The following MYO7B variants were observed in gnomAD, a reference collection of about 807,000 sequenced individuals.
MYO7B encodes the protein myosin VIIB.
A neutral mutation model predicts 259.7 loss-of-function variants in MYO7B; 212 were observed. That is an observed-to-expected ratio of 0.82 (90% CI 0.73 to 0.91). MYO7B has a LOEUF of 0.91. Among genes scored for constraint, MYO7B ranks in the 40% least tolerant of loss-of-function variants. MYO7B has a pLI of 0.00. For missense variants in MYO7B, 2,732 were observed against 2,813.5 expected, an observed-to-expected ratio of 0.97 and a Z score of 0.66; for synonymous variants, 1,197 against 1,166.4, an observed-to-expected ratio of 1.03 and a Z score of -0.54.
At chr2:127,610,278 G>A (rs1034648981) in intron 24 of MYO7B, among the ~76,000 whole-genome samples, 3 of 152,150 alleles carry the variant, frequency 2.0e-5, no homozygotes, top group African/African-American at 7.2e-5. Flanking sequence ...TGAGTATTGG[G>A]TGTGACTTGA....
chr2:127,569,989 C>T (rs1396838955), intron 6 of MYO7B, 79 bp downstream of exon 6: 3 of 1,463,718 alleles, frequency 2.0e-6, no homozygotes, highest in Non-Finnish European at 2.7e-6. Context: ...TGGGGAGGGA[C>T]AGGATAGGCC....
intron 12 of MYO7B, 122 bp from the exon 13 acceptor site, chr2:127,584,000 A>T (rs1407906841): frequency 2.5e-6 from 2 of 815,062 alleles, no homozygotes; most frequent in African/African-American, 3.4e-5. Context: ...CGAGGTGTGC[A>T]TCTGTGGGCA....
At chr2:127,579,020 C>G (rs1678997745) in intron 9 of MYO7B, among the ~76,000 whole-genome samples, 1 of 151,124 alleles carries the variant, frequency 6.6e-6, no homozygotes, top group Non-Finnish European at 1.5e-5. Context: ...AAAAAATAAC[C>G]AAAAGGAAGA....
chr2:127,550,224 T>A (rs544564265), intron 1 of MYO7B, among the ~76,000 whole-genome samples: 1 of 152,210 alleles, frequency 6.6e-6, no homozygotes, highest in Admixed American at 6.5e-5. Flanking sequence ...GAAGGCATAC[T>A]GGGCAGACAA....
chr2:127,612,046 C>T (rs1288634047), intron 24 of MYO7B, among the ~76,000 whole-genome samples: 2 of 152,186 alleles, frequency 1.3e-5, no homozygotes, highest in Non-Finnish European at 2.9e-5. Context: ...TCTGATTCCA[C>T]ACCTGGAAGT....
At position 127,597,885 on chromosome 2, in the gene MYO7B, G is replaced by A. The variant is rs1183057887; in HGVS notation, c.2339+1329G>A. ...ACTCCTGGCCTCAAGTGATCCGCCC[G>A]CCTCAGCCTCTCAAAGTGCTGGGAT... On this transcript the variant is annotated intron_variant, in intron 19 of 47. Coordinates refer to ENST00000409816, the MANE Select transcript of MYO7B (RefSeq NM_001393586.1). The surrounding 1 kb of genome is among the most constrained non-coding windows in gnomAD (Gnocchi z 4.8). Among the ~76,000 whole-genome samples the A allele has an allele frequency of 2.0e-5, 3 of 151,940 alleles. No individual in the cohort carries two copies. Among genetic ancestry groups the A allele is most frequent in the African/African-American group, 4.8e-5 (2 of 41,354 alleles).
chr2:127,618,020 C>T (rs1266132824), intron 26 of MYO7B, among the ~76,000 whole-genome samples: 1 of 152,110 alleles, frequency 6.6e-6, no homozygotes, highest in Non-Finnish European at 1.5e-5. Flanking sequence ...TTAGTTCCCG[C>T]AAGTCCCTGT....
rs576810452 is a variant in MYO7B at position 127,585,613 on chromosome 2, T to C, written c.1690+700T>C. Among the ~76,000 whole-genome samples, 25 of 152,366 alleles carry C rather than the reference T, an allele frequency of 1.6e-4. 1 individual carries two copies. The Middle Eastern group carries it at 0.031, about 187-fold the overall frequency. On this transcript the variant is annotated intron_variant, in intron 14 of 47. Transcript: ENST00000409816. The surrounding 1 kb of genome is among the most constrained non-coding windows in gnomAD (Gnocchi z 4.3). The stretch of plus-strand genomic sequence containing the variant: ...TCTACCTAGCAGCAGAATTGCTGTG[T>C]CATATGATAACTCTATGTTTAACTG...
intron 6 of MYO7B, among the ~76,000 whole-genome samples, chr2:127,571,441 A>ATTTTTTTTTTTTTTTTTT (rs1678601958): frequency 1.1e-4 from 2 of 17,610 alleles, no homozygotes; most frequent in Non-Finnish European, 2.2e-4. Flanking sequence ...CTTACCAGTG[A>ATTTTTTTTTTTTTTTTTT]GTTTTTTTTT....
intron 26 of MYO7B, among the ~76,000 whole-genome samples, chr2:127,618,857 G>C (rs1268170952): frequency 2.6e-5 from 4 of 152,246 alleles, no homozygotes; most frequent in African/African-American, 9.6e-5. Context: ...GGGCTGGGAG[G>C]CCAGGCAGGG....
rs1253099239 is a variant in MYO7B at position 127,597,746 on chromosome 2, C to T, written c.2339+1190C>T. ...GCTTTCCGGGCTCAAGCTATCCTCC[C>T]ACCTCAGCCTCCAAAGTAGCTGGTA... On this transcript the variant is annotated intron_variant, in intron 19 of 47. Transcript: ENST00000409816. This position sits in a 1 kb window ranked among gnomAD's most constrained non-coding sequence, Gnocchi z 4.8. Among the ~76,000 whole-genome samples, 4 of 152,048 alleles carry T rather than the reference C, an allele frequency of 2.6e-5. No individual in the cohort carries two copies. The highest frequency in any genetic ancestry group is 4.4e-5 in the Non-Finnish European group (3 of 68,010).
intron 26 of MYO7B, among the ~76,000 whole-genome samples, chr2:127,618,140 CCT>C (rs1489933817): frequency 6.6e-6 from 1 of 152,138 alleles, no homozygotes; most frequent in Non-Finnish European, 1.5e-5. Flanking sequence ...CCTGATTGTC[CCT>C]GTTACGTCCC....
chr2:127,605,999 A>G (rs146938706), intron 20 of MYO7B, 71 bp downstream of exon 20: 1,614 of 1,312,842 alleles, frequency 1.2e-3, no homozygotes, highest in Non-Finnish European at 1.6e-3. Context: ...ACAGATTTGT[A>G]AAGTTTGTTT....
chr2:127,538,403 A>C (rs1692874130), intron 1 of MYO7B, among the ~76,000 whole-genome samples: 2 of 152,086 alleles, frequency 1.3e-5, no homozygotes, highest in Non-Finnish European at 2.9e-5. Flanking sequence ...TGAGGGTCTG[A>C]ATTTTTAATT....
intron 42 of MYO7B, chr2:127,634,887 T>A: frequency 1.5e-6 from 1 of 645,306 alleles, no homozygotes; most frequent in Non-Finnish European, 2.7e-6. Flanking sequence ...TGATGAAGGA[T>A]GCCCCAGGGC....
chr2:127,574,022 T>A lies in MYO7B; in HGVS notation c.695T>A (p.Ile232Asn). Residue 232 changes from isoleucine to asparagine, a missense_variant, in exon 7 of 48, where the codon ATC (isoleucine) becomes AAC (asparagine). Ile to Asn is a moderately radical substitution (Grantham distance 149, BLOSUM62 -3). Transcript: ENST00000409816. Reference protein sequence around the residue: ...NPSGVIEGARIEQFLLEKSRV... With the variant: ...NPSGVIEGARNEQFLLEKSRV... ...AGCGGGGTGATCGAGGGCGCGCGCATCGAGCAATTTCTCCTGGAGAAGTCC... is the reference window on the plus strand; with the variant it reads ...AGCGGGGTGATCGAGGGCGCGCGCAACGAGCAATTTCTCCTGGAGAAGTCC... 6.2e-7 allele frequency: 1 copy of A among 1,614,036 alleles called. No homozygotes were observed. The highest frequency in any genetic ancestry group is 8.5e-7 in the Non-Finnish European group (1 of 1,179,902).
At chr2:127,574,901 G>T (rs1438079621) in intron 7 of MYO7B, among the ~76,000 whole-genome samples, 1 of 152,224 alleles carries the variant, frequency 6.6e-6, no homozygotes, top group African/African-American at 2.4e-5. Flanking sequence ...CCAAATGGTA[G>T]GAATCCCAAC....
chr2:127,539,926 C>T lies in MYO7B; in HGVS notation c.-24+4095C>T, dbSNP rs761452988. 2.0e-5 allele frequency among the ~76,000 whole-genome samples: 3 copies of T among 152,272 alleles called. No homozygotes were observed. The highest frequency in any genetic ancestry group is 3.4e-3 in the Middle Eastern group (1 of 294). The stretch of plus-strand genomic sequence containing the variant: ...GCTCCCATTTATAAGTGAGAACATA[C>T]GATATTTGGTTTTCCATTTCTGAGT... On this transcript the variant is annotated intron_variant, in intron 1 of 47. Transcript: ENST00000409816. This position sits in a 1 kb window ranked among gnomAD's most constrained non-coding sequence, Gnocchi z 4.0.
intron 1 of MYO7B, among the ~76,000 whole-genome samples, chr2:127,536,567 C>T (rs1692789202): frequency 6.6e-6 from 1 of 152,048 alleles, no homozygotes; most frequent in South Asian, 2.1e-4. Flanking sequence ...GTGTCCCATC[C>T]CCATTTCACA....
Sources: gnomAD v4.1 joint callset for allele counts (sites outside exome capture counted in the v4.1 genomes callset) on GRCh38, gnomAD v4.1.1 for gene constraint, Gnocchi (gnomAD v3.1) non-coding constraint, MANE v1.5 for transcripts, NCBI Gene and HGNC (gene_info 2026-07-23, HGNC 2026-07-21) for gene names.